CPSF3: variants seen among roughly 807,000 people sequenced by gnomAD.
CPSF3 encodes cleavage and polyadenylation specificity factor subunit 3.
CPSF3 carries 57 observed loss-of-function variants against 84.1 expected under a neutral mutation model. That is an observed-to-expected ratio of 0.68 (90% CI 0.55 to 0.85). The LOEUF is 0.85. Ranked by LOEUF, CPSF3 falls within the 40% of genes least tolerant of loss-of-function variation. The pLI, the probability that CPSF3 is intolerant of heterozygous loss-of-function variation, is 0.00. For synonymous variants in CPSF3, 275 were observed against 278.1 expected, an observed-to-expected ratio of 0.99 and a Z score of 0.11; for missense variants, 522 against 838.8, an observed-to-expected ratio of 0.62 and a Z score of 4.66.
At chr2:9,444,800 G>C (rs1681075308) in intron 10 of CPSF3, among the ~76,000 whole-genome samples, 3 of 152,132 alleles carry the variant, frequency 2.0e-5, no homozygotes, top group African/African-American at 7.2e-5. Context: ...CGGGTAGCTG[G>C]GATTACAGGC....
At chr2:9,453,922 GATTAC>G (rs1681420312) in intron 12 of CPSF3, among the ~76,000 whole-genome samples, 1 of 151,882 alleles carries the variant, frequency 6.6e-6, no homozygotes, top group African/African-American at 2.4e-5. Flanking sequence ...AAACTAATAA[GATTAC>G]ATTTAAGTTT....
chr2:9,455,500 C>G (rs1681494656), intron 12 of CPSF3, among the ~76,000 whole-genome samples, 159 bp from the exon 13 acceptor site: 1 of 152,162 alleles, frequency 6.6e-6, no homozygotes, highest in South Asian at 2.1e-4. Flanking sequence ...ATAGGGAGAT[C>G]AGTGGGGAAA....
At chr2:9,470,846 T>C (rs74260097) in intron 16 of CPSF3, among the ~76,000 whole-genome samples, 4 of 152,390 alleles carry the variant, frequency 2.6e-5, no homozygotes, top group South Asian at 4.1e-4. Flanking sequence ...AGATCATTCT[T>C]GAATAAAGCT....
intron 15 of CPSF3, among the ~76,000 whole-genome samples, chr2:9,466,246 A>ACGCACACACACACGTG (rs1681920182): frequency 3.4e-5 from 5 of 146,944 alleles, no homozygotes; most frequent in African/African-American, 1.0e-4. Flanking sequence ...GCGCGCACGC[A>ACGCACACACACACGTG]CGCGCACACA....
chr2:9,437,495 T>C (rs1307132264), intron 7 of CPSF3, among the ~76,000 whole-genome samples: 2 of 152,224 alleles, frequency 1.3e-5, no homozygotes, highest in Non-Finnish European at 2.9e-5. Flanking sequence ...GAAAAGCTAC[T>C]AAATCTGGAT....
intron 3 of CPSF3, 107 bp downstream of exon 3, chr2:9,430,127 A>G (rs1259685155): frequency 1.5e-6 from 1 of 662,162 alleles, no homozygotes; most frequent in Admixed American, 3.2e-5. Context: ...GTTTTCTGCT[A>G]GGAAGCATAT....
intron 10 of CPSF3, among the ~76,000 whole-genome samples, 157 bp downstream of exon 10, chr2:9,443,818 C>T (rs1424962026): frequency 2.0e-5 from 3 of 152,168 alleles, no homozygotes; most frequent in Non-Finnish European, 4.4e-5. Context: ...GCCTTTACAA[C>T]TCCCCTTTGA....
chr2:9,430,125 C>T, intron 3 of CPSF3, 105 bp downstream of exon 3: 1 of 670,998 alleles, frequency 1.5e-6, no homozygotes, highest in Non-Finnish European at 2.5e-6. Flanking sequence ...GTGTTTTCTG[C>T]TAGGAAGCAT....
chr2:9,473,071 T>C lies in CPSF3; in HGVS notation c.*54T>C, dbSNP rs1682243368. 8.0e-7 allele frequency: 1 copy of C among 1,254,684 alleles called. No individual in the cohort carries two copies. Among genetic ancestry groups the C allele is most frequent in the Admixed American group, 1.9e-5 (1 of 52,324 alleles). The allele number at this position is 1,254,684 out of a possible 1,614,324, so 77.7% of individuals were successfully genotyped here. On this transcript the variant is annotated 3_prime_UTR_variant, in exon 18 of 18. Coordinates refer to ENST00000238112, the MANE Select transcript of CPSF3 (RefSeq NM_016207.4). ...AATACTTGACTCTACTTTTGTTACC[T>C]AAAATAAAATGCATTCGTTTCTCTG...
At position 9,468,848 on chromosome 2, in the gene CPSF3, G is replaced by A. The variant is rs1313326938; in HGVS notation, c.1856+1072G>A. On this transcript the variant is annotated intron_variant, in intron 16 of 17. Coordinates refer to ENST00000238112, the MANE Select transcript of CPSF3 (RefSeq NM_016207.4). ...TCACCATATTGGCCAGGCTGGTCAC[G>A]AACTCCTGACCTCATGAGCCACCTG... Among the ~76,000 whole-genome samples the A allele has an allele frequency of 4.5e-4, 69 of 151,922 alleles. 1 individual carries two copies. The highest frequency in any genetic ancestry group is 1.9e-4 in the East Asian group (1 of 5,148).
chr2:9,442,835 G>A (rs1681000408), intron 9 of CPSF3, among the ~76,000 whole-genome samples: 4 of 150,640 alleles, frequency 2.7e-5, no homozygotes, highest in South Asian at 2.1e-4. Context: ...TCTGGGTGAC[G>A]GAGCAAGACT....
intron 16 of CPSF3, among the ~76,000 whole-genome samples, chr2:9,469,874 T>C (rs1326604892): frequency 6.6e-6 from 1 of 152,184 alleles, no homozygotes; most frequent in Non-Finnish European, 1.5e-5. Flanking sequence ...CACATGAAAA[T>C]GGAACCTTTT....
chr2:9,463,715 G>A (rs1681809669), intron 15 of CPSF3, among the ~76,000 whole-genome samples: 1 of 152,150 alleles, frequency 6.6e-6, no homozygotes, highest in Non-Finnish European at 1.5e-5. Context: ...ATCCAAACTT[G>A]GGATTTTCAC....
chr2:9,443,063 T>C (rs1681008836), intron 9 of CPSF3, among the ~76,000 whole-genome samples: 1 of 152,142 alleles, frequency 6.6e-6, no homozygotes, highest in Admixed American at 6.6e-5. Context: ...GTTGGGGGAC[T>C]GAGGCAGGAG....
At chr2:9,442,715 G>T (rs903774121) in intron 9 of CPSF3, among the ~76,000 whole-genome samples, 3 of 152,094 alleles carry the variant, frequency 2.0e-5, no homozygotes, top group African/African-American at 7.2e-5. Flanking sequence ...AGCTGGGCGT[G>T]GTGGCGTATG....
intron 12 of CPSF3, among the ~76,000 whole-genome samples, chr2:9,454,469 T>G (rs1354769346): frequency 6.6e-6 from 1 of 151,796 alleles, no homozygotes; most frequent in African/African-American, 2.4e-5. Flanking sequence ...TGCCCTGCTG[T>G]CAGTTTTCAT....
At chr2:9,442,860 AAAAG>A in intron 9 of CPSF3, among the ~76,000 whole-genome samples, 1 of 151,904 alleles carries the variant, frequency 6.6e-6, no homozygotes, top group Non-Finnish European at 1.5e-5. Flanking sequence ...CTCCAAAAAA[AAAAG>A]AAAAAAAAAA....
At position 9,443,494 on chromosome 2, in the gene CPSF3, AT is replaced by A. The variant is rs1446313958; in HGVS notation, c.1096-16del. 1 of 1,594,292 alleles carries A rather than the reference AT, an allele frequency of 6.3e-7. No individual in the cohort carries two copies. Among genetic ancestry groups the A allele is most frequent in the Non-Finnish European group, 8.6e-7 (1 of 1,168,100 alleles). On this transcript the variant is annotated intron_variant, in intron 9 of 17. Transcript: ENST00000238112. ...TTATAACTGGGTAGTTTGTTTTGTT[AT>A]TTTTCTTTATTTTCCACAGCACATC...
chr2:9,428,957 T>A, intron 2 of CPSF3, 129 bp downstream of exon 2: 1 of 604,676 alleles, frequency 1.7e-6, no homozygotes, highest in Non-Finnish European at 3.0e-6. Flanking sequence ...CTATGCTGTA[T>A]AGTGTTAATG....
Sources: gnomAD v4.1 joint callset for allele counts (sites outside exome capture counted in the v4.1 genomes callset) on GRCh38, gnomAD v4.1.1 for gene constraint, MANE v1.5 for transcripts, NCBI Gene and HGNC (gene_info 2026-07-23, HGNC 2026-07-21) for gene names.